Variants in CACNG3 observed in about 807,000 individuals in gnomAD.
The protein encoded by CACNG3 is voltage-dependent calcium channel gamma-3 subunit.
A neutral mutation model predicts 28.5 loss-of-function variants in CACNG3; 3 were observed. That is an observed-to-expected ratio of 0.11 (90% CI 0.05 to 0.27). The LOEUF is 0.27. Among genes scored for constraint, CACNG3 ranks in the 10% least tolerant of loss-of-function variants. The probability of loss-of-function intolerance (pLI) is 1.00; values close to 1 mark genes in which losing one functional copy is unlikely to be tolerated. For missense variants in CACNG3, 236 were observed against 414.4 expected (o/e 0.57, Z 3.74); for synonymous variants, 174 against 162.2 (o/e 1.07, Z -0.55).
At chr16:24,321,758 T>C (rs1899462449) in intron 1 of CACNG3, among the ~76,000 whole-genome samples, 1 of 152,236 alleles carries the variant, frequency 6.6e-6, no homozygotes, top group African/African-American at 2.4e-5. Context: ...AGGCAAGTTT[T>C]GCTGTCACAT....
chr16:24,329,168 TAA>T (rs1899600491), intron 1 of CACNG3, among the ~76,000 whole-genome samples: 1 of 152,216 alleles, frequency 6.6e-6, no homozygotes, highest in Non-Finnish European at 1.5e-5. Context: ...CTTGCAGAAC[TAA>T]ATCCCAGTGT....
intron 1 of CACNG3, among the ~76,000 whole-genome samples, chr16:24,334,569 G>A (rs886777237): frequency 4.6e-5 from 7 of 152,182 alleles, no homozygotes; most frequent in Admixed American, 2.0e-4. Flanking sequence ...GGACATCCTG[G>A]GGAAACCTGT....
At position 24,265,854 on chromosome 16, in the gene CACNG3, T is replaced by C. The variant is rs140508040; in HGVS notation, c.211+8889T>C. ...ATTTTGCTGCTTGGCCTGCAAAGCC[T>C]GAAATATTTACTATCTTGCCTTTTC... is the stretch of plus-strand genomic sequence containing the variant. On this transcript the variant is annotated intron_variant, in intron 1 of 3. Transcript: ENST00000005284. 2.8e-3 allele frequency among the ~76,000 whole-genome samples: 420 copies of C among 152,340 alleles called. 2 individuals carry two copies. Among genetic ancestry groups the C allele is most frequent in the African/African-American group, 9.7e-3 (405 of 41,582 alleles).
At chr16:24,340,421 A>G (rs1899768628) in intron 1 of CACNG3, among the ~76,000 whole-genome samples, 1 of 152,182 alleles carries the variant, frequency 6.6e-6, no homozygotes, top group South Asian at 2.1e-4. Context: ...AAAATAATTT[A>G]GTGTACCTTT....
At chr16:24,327,422 A>ATATGTGTGTGTG (rs1555461115) in intron 1 of CACNG3, among the ~76,000 whole-genome samples, 7 of 101,718 alleles carry the variant, frequency 6.9e-5, no homozygotes, top group East Asian at 3.6e-4. Flanking sequence ...GAATATATAT[A>ATATGTGTGTGTG]TGTGTGTGTG....
At chr16:24,275,961 C>T (rs1898748678) in intron 1 of CACNG3, among the ~76,000 whole-genome samples, 1 of 152,228 alleles carries the variant, frequency 6.6e-6, no homozygotes, top group Admixed American at 6.5e-5. Flanking sequence ...TCAGATTCCA[C>T]ATTGCAACTA....
chr16:24,321,353 A>G (rs1899454306), intron 1 of CACNG3, among the ~76,000 whole-genome samples: 1 of 152,118 alleles, frequency 6.6e-6, no homozygotes, highest in Non-Finnish European at 1.5e-5. Flanking sequence ...AGGCTGAGGC[A>G]GGAGAATTGC....
At chr16:24,351,377 A>G (rs1194855573) in intron 2 of CACNG3, among the ~76,000 whole-genome samples, 1 of 151,866 alleles carries the variant, frequency 6.6e-6, no homozygotes, top group Non-Finnish European at 1.5e-5. Flanking sequence ...TTCGAGACCA[A>G]CCAGACCAAT....
chr16:24,324,225 G>T (rs1035690854), intron 1 of CACNG3, among the ~76,000 whole-genome samples: 3 of 152,188 alleles, frequency 2.0e-5, no homozygotes, highest in Non-Finnish European at 4.4e-5. Flanking sequence ...GTGGATCTGG[G>T]ATTTGAACCC....
intron 1 of CACNG3, among the ~76,000 whole-genome samples, chr16:24,323,243 G>T (rs67925950): frequency 1.7e-5 from 2 of 118,008 alleles, no homozygotes; most frequent in Non-Finnish European, 3.6e-5. Context: ...AAAAAAAAGA[G>T]AGAGAGAGAA....
At chr16:24,269,269 AT>A (rs1013772887) in intron 1 of CACNG3, among the ~76,000 whole-genome samples, 11 of 152,278 alleles carry the variant, frequency 7.2e-5, no homozygotes, top group Admixed American at 1.3e-4. Context: ...TACACCTTGA[AT>A]TTTTTTCCAG....
intron 1 of CACNG3, among the ~76,000 whole-genome samples, chr16:24,326,160 G>GTTTTTTC (rs201941985): frequency 1.5e-5 from 2 of 136,610 alleles, no homozygotes; most frequent in African/African-American, 5.3e-5. Context: ...TTTCTTTTTT[G>GTTTTTTC]TTTTTTCTTT....
At chr16:24,299,111 G>A (rs933995846) in intron 1 of CACNG3, among the ~76,000 whole-genome samples, 1 of 152,098 alleles carries the variant, frequency 6.6e-6, no homozygotes, top group Non-Finnish European at 1.5e-5. Context: ...CACACTTAAG[G>A]AGTAGGAAAT....
chr16:24,317,624 AAGACAGAC>A (rs1186622277), intron 1 of CACNG3, among the ~76,000 whole-genome samples: 4,237 of 56,262 alleles, frequency 0.075, 485 homozygotes, highest in African/African-American at 0.12. Flanking sequence ...GAAAGAAAGA[AAGACAGAC>A]AGAAAGAAAG....
At position 24,361,633 on chromosome 16, in the gene CACNG3, AC is replaced by A; in HGVS notation, c.720del (p.Glu241SerfsTer114). 6.2e-7 allele frequency: 1 copy of A among 1,613,660 alleles called. No individual in the cohort carries two copies. Among genetic ancestry groups the A allele is most frequent in the Non-Finnish European group, 8.5e-7 (1 of 1,179,856 alleles). ...RFRRRSSSRS[T>X]EPRSRDLSPI... ...CCGGAGGCGGTCAAGTTCTCGCTCCACCGAGCCCAGATCCCGAGACCTGTCC... is the reference window on the plus strand; with the variant it reads ...CCGGAGGCGGTCAAGTTCTCGCTCCACGAGCCCAGATCCCGAGACCTGTCC... On this transcript the variant is annotated frameshift_variant, in exon 4 of 4. Coordinates refer to ENST00000005284, the MANE Select transcript of CACNG3 (RefSeq NM_006539.4). LOFTEE classifies it high-confidence loss of function. This position sits in a 1 kb window ranked among gnomAD's most constrained non-coding sequence, Gnocchi z 6.8.
chr16:24,265,363 G>GAAAT (rs1263475324), intron 1 of CACNG3, among the ~76,000 whole-genome samples: 2 of 128,182 alleles, frequency 1.6e-5, no homozygotes, highest in Non-Finnish European at 3.2e-5. Flanking sequence ...AAGAAAGAAA[G>GAAAT]AAAGAAAAAA....
chr16:24,334,192 G>A (rs1005314296), intron 1 of CACNG3, among the ~76,000 whole-genome samples: 8 of 152,178 alleles, frequency 5.3e-5, no homozygotes, highest in Non-Finnish European at 2.9e-5. Flanking sequence ...CTGGACCCTA[G>A]GTTCCTGTTG....
intron 2 of CACNG3, 79 bp downstream of exon 2, chr16:24,346,896 G>A (rs776196785): frequency 2.8e-6 from 3 of 1,076,096 alleles, no homozygotes; most frequent in Non-Finnish European, 2.9e-6. Flanking sequence ...CTGAGTCGGA[G>A]CTTCCTCAGC....
chr16:24,280,336 G>A (rs183024566), intron 1 of CACNG3, among the ~76,000 whole-genome samples: 1 of 152,300 alleles, frequency 6.6e-6, no homozygotes. Context: ...CCAGCCCTGG[G>A]GCTGCTGCTT....
Sources: gnomAD v4.1 joint callset for allele counts (sites outside exome capture counted in the v4.1 genomes callset) on GRCh38, gnomAD v4.1.1 for gene constraint, Gnocchi (gnomAD v3.1) non-coding constraint, MANE v1.5 for transcripts, NCBI Gene and HGNC (gene_info 2026-07-23, HGNC 2026-07-21) for gene names.